The following CCDC136 variants were observed in gnomAD, a reference collection of about 807,000 sequenced individuals.
CCDC136 encodes coiled-coil domain containing 136.
In CCDC136, 100 loss-of-function variants were observed where a neutral mutation model predicts 141.2. The observed-to-expected ratio is 0.71, with a 90% confidence interval of 0.60 to 0.84. CCDC136 has a LOEUF of 0.84. Ranked by LOEUF, CCDC136 falls within the 40% of genes least tolerant of loss-of-function variation. The probability of loss-of-function intolerance (pLI) is 0.00; values close to 1 mark genes in which losing one functional copy is unlikely to be tolerated. For synonymous variants in CCDC136, 474 were observed against 531.9 expected (o/e 0.89, Z 1.50); for missense variants, 1,206 against 1,379.4 (o/e 0.87, Z 1.99).
chr7:128,806,426 T>G, intron 8 of CCDC136, 31 bp downstream of exon 8: 1 of 1,575,262 alleles, frequency 6.3e-7, no homozygotes, highest in Non-Finnish European at 8.6e-7. Flanking sequence ...GGGGACAACT[T>G]AGGTGCTAAG....
rs562067948 is a variant in CCDC136 at position 128,798,551 on chromosome 7, C to G, written c.347-2635C>G. On this transcript the variant is annotated intron_variant, in intron 3 of 17. Transcript: ENST00000297788. ...AAAGGTGTGAGCCACCGTGTTTGGC[C>G]GACAATACCATTTTTTTAGGGCCAG... Among the ~76,000 whole-genome samples, 130 of 152,024 alleles carry G rather than the reference C, an allele frequency of 8.6e-4. 1 individual carries two copies. The highest frequency in any genetic ancestry group is 3.0e-3 in the African/African-American group (126 of 41,464).
rs201209390 is a variant in CCDC136, at chr7:128,815,871, C to T, written c.3303C>T (p.Ala1101=). The T allele has an allele frequency of 1.7e-4, 267 of 1,613,786 alleles. No homozygotes were observed. In the East Asian group the frequency reaches 3.9e-3, roughly 24 times the overall value. ...EEDSEEEEDD[A]DSSLESPEEN... ...ACAGTGAAGAGGAGGAGGATGACGC[C>T]GACTCTTCCCTTGAAAGTCCCGAAG... Residue 1101 remains alanine (A), a synonymous_variant, in exon 16 of 18, where the codon GCC becomes GCT. Coordinates refer to ENST00000297788, the MANE Select transcript of CCDC136 (RefSeq NM_022742.5).
rs1390834199 is a variant in CCDC136 at position 128,806,367 on chromosome 7, C to G, written c.1220C>G (p.Ser407Cys). The G allele has an allele frequency of 1.2e-6, 2 of 1,605,210 alleles. No individual in the cohort carries two copies. Among genetic ancestry groups the G allele is most frequent in the African/African-American group, 1.3e-5 (1 of 74,770 alleles). ...CTCCGGCAGCTCAAAGTCATGAAAT[C>G]CACACTTGTAGAAAACCAGAGTGAG... is the stretch of plus-strand genomic sequence containing the variant. ...TELRQLKVMK[S>C]TLVENQSEKE... is the part of the protein sequence containing the mutation. Residue 407 changes from serine to cysteine, a missense_variant, in exon 8 of 18, where the codon TCC (serine) becomes TGC (cysteine). Ser to Cys is a moderately radical substitution (Grantham distance 112). Transcript: ENST00000297788.
intron 15 of CCDC136, 28 bp from the exon 16 acceptor site, chr7:128,815,586 G>T: frequency 6.5e-7 from 1 of 1,533,798 alleles, no homozygotes; most frequent in South Asian, 1.2e-5. Context: ...TAACGCAGCC[G>T]CCATCCTGCC....
At chr7:128,812,441 G>A in intron 13 of CCDC136, 129 bp downstream of exon 13, 2 of 1,058,564 alleles carry the variant, frequency 1.9e-6, no homozygotes, top group Non-Finnish European at 2.7e-6. Context: ...ACTATTGGAA[G>A]TAAGCGAAGC....
At chr7:128,812,359 G>T (rs1240827738) in intron 13 of CCDC136, 47 bp downstream of exon 13, 1 of 1,561,714 alleles carries the variant, frequency 6.4e-7, no homozygotes, top group Admixed American at 1.8e-5. Flanking sequence ...ATGGACTCTT[G>T]TCTTTTTAAG....
intron 5 of CCDC136, 82 bp downstream of exon 5, chr7:128,804,843 C>A (rs1804588126): frequency 5.9e-6 from 5 of 844,830 alleles, no homozygotes; most frequent in African/African-American, 1.7e-5. Flanking sequence ...AAGGCAGATG[C>A]CAGGGCAGTG....
chr7:128,800,458 C>CTTT (rs67467689), intron 3 of CCDC136, among the ~76,000 whole-genome samples: 1 of 137,716 alleles, frequency 7.3e-6, no homozygotes. Flanking sequence ...ACCTGGCTTT[C>CTTT]TTTTTTTTTT....
chr7:128,804,500 G>A, intron 4 of CCDC136, 150 bp from the exon 5 acceptor site: 1 of 598,012 alleles, frequency 1.7e-6, no homozygotes, highest in Non-Finnish European at 3.0e-6. Context: ...CCTGGGCCCT[G>A]TCTTCTAAGC....
intron 17 of CCDC136, among the ~76,000 whole-genome samples, chr7:128,820,529 T>C (rs1807302897): frequency 6.6e-6 from 1 of 152,218 alleles, no homozygotes; most frequent in Non-Finnish European, 1.5e-5. Context: ...ACTAACATTC[T>C]TAGCAATGCA....
At chr7:128,796,995 C>T in intron 3 of CCDC136, among the ~76,000 whole-genome samples, 1 of 151,874 alleles carries the variant, frequency 6.6e-6, no homozygotes, top group Admixed American at 6.6e-5. Context: ...CCCGCCTCGG[C>T]CTCCCAAAGT....
chr7:128,794,876 C>A lies in CCDC136; in HGVS notation c.346+108C>A. ...CACAGCAGATAAAAATAACCAAATT[C>A]AGTAATTTCACCTCATTTTCCTCTA... On this transcript the variant is annotated intron_variant, in intron 3 of 17. Transcript: ENST00000297788. The surrounding 1 kb of genome is among the most constrained non-coding windows in gnomAD (Gnocchi z 4.3). The A allele has an allele frequency of 1.2e-6, 1 of 818,260 alleles. No homozygotes were observed. The highest frequency in any genetic ancestry group is 1.6e-5 in the South Asian group (1 of 61,654). 50.7% of individuals were successfully genotyped at this position (818,260 alleles called of 1,614,324 possible). A position where few individuals can be genotyped will look rare whatever the true frequency, so the allele number is the denominator to read the frequency against.
At position 128,804,635 on chromosome 7, in the gene CCDC136, G is replaced by T. The variant is rs1430434816; in HGVS notation, c.671-15G>T. The T allele has an allele frequency of 3.3e-6, 5 of 1,497,190 alleles. No homozygotes were observed. The African/African-American group carries it at 4.2e-5, about 12-fold the overall frequency. The allele number at this position is 1,497,190 out of a possible 1,614,324, so 92.7% of individuals were successfully genotyped here. On this transcript the variant is annotated splice_polypyrimidine_tract_variant and intron_variant, in intron 4 of 17. Coordinates refer to ENST00000297788, the MANE Select transcript of CCDC136 (RefSeq NM_022742.5). ...TTTCCTCCCGGTCTCATCTCTCTCT[G>T]CCTGTCCTCTGCAGAAGAACTGCAG...
chr7:128,794,498 C>T lies in CCDC136; in HGVS notation c.167C>T (p.Thr56Ile). The T allele has an allele frequency of 6.4e-7, 1 of 1,552,460 alleles. No individual in the cohort carries two copies. Residue 56 changes from threonine to isoleucine, a missense_variant, in exon 2 of 18, where the codon ACA becomes ATA. By Grantham distance (89) the Thr-to-Ile change is moderately conservative. Transcript: ENST00000297788. This position sits in a 1 kb window ranked among gnomAD's most constrained non-coding sequence, Gnocchi z 4.3. ...CACCGGGGACTGAGCCTCACGGAGACAGAGCTGGAGGAGCTGCGGGCTCAG... is the reference window on the plus strand; with the variant it reads ...CACCGGGGACTGAGCCTCACGGAGATAGAGCTGGAGGAGCTGCGGGCTCAG... ...NKHRGLSLTETELEELRAQVL... is the reference protein window; with the variant it reads ...NKHRGLSLTEIELEELRAQVL...
chr7:128,792,105 C>A lies in CCDC136; in HGVS notation c.-307C>A. The A allele has an allele frequency of 7.2e-7, 1 of 1,394,710 alleles. No homozygotes were observed. 86.4% of individuals were successfully genotyped at this position (1,394,710 alleles called of 1,614,324 possible). A position where few individuals can be genotyped will look rare whatever the true frequency, so the allele number is the denominator to read the frequency against. ...TTTCTTTCTGTGCAAGCAAGAGGGTCCTGGAACAGCGGGTTCTGAGGAGGC... is the reference window on the plus strand; with the variant it reads ...TTTCTTTCTGTGCAAGCAAGAGGGTACTGGAACAGCGGGTTCTGAGGAGGC... On this transcript the variant is annotated 5_prime_UTR_variant, in exon 1 of 18. Coordinates refer to ENST00000297788, the MANE Select transcript of CCDC136 (RefSeq NM_022742.5).
intron 3 of CCDC136, among the ~76,000 whole-genome samples, chr7:128,800,058 A>G (rs1302019195): frequency 2.0e-5 from 3 of 152,144 alleles, no homozygotes; most frequent in African/African-American, 4.8e-5. Flanking sequence ...AGAAACAACT[A>G]CTCATTATGG....
At chr7:128,809,415 G>A in intron 10 of CCDC136, 35 bp from the exon 11 acceptor site, 1 of 1,418,276 alleles carries the variant, frequency 7.1e-7, no homozygotes. Flanking sequence ...ACCTTACAGA[G>A]TAACCACCCC....
chr7:128,810,133 C>T lies in CCDC136; in HGVS notation c.1801-6C>T, dbSNP rs1170838413. Reference sequence around the variant, plus strand: ...CCCTTGCCTCCTTCCTTCTACTCCGCCTCAGAGTCAGGAGCTACTCACCAA... The same window carrying T: ...CCCTTGCCTCCTTCCTTCTACTCCGTCTCAGAGTCAGGAGCTACTCACCAA... On this transcript the variant is annotated splice_polypyrimidine_tract_variant and splice_region_variant and intron_variant, in intron 11 of 17. Transcript: ENST00000297788. The T allele has an allele frequency of 3.8e-6, 6 of 1,563,662 alleles. No homozygotes were observed. The highest frequency in any genetic ancestry group is 5.2e-6 in the Non-Finnish European group (6 of 1,151,458).
At chr7:128,811,685 A>C in intron 12 of CCDC136, 115 bp from the exon 13 acceptor site, 1 of 930,460 alleles carries the variant, frequency 1.1e-6, no homozygotes, top group Non-Finnish European at 1.6e-6. Context: ...GTGAGGTGGA[A>C]ATGTAGGTGT....
Sources: gnomAD v4.1 joint callset for allele counts (sites outside exome capture counted in the v4.1 genomes callset) on GRCh38, gnomAD v4.1.1 for gene constraint, Gnocchi (gnomAD v3.1) non-coding constraint, MANE v1.5 for transcripts, NCBI Gene and HGNC (gene_info 2026-07-23, HGNC 2026-07-21) for gene names.